The following SUPT3H variants were observed in gnomAD, a reference collection of about 807,000 sequenced individuals.
SUPT3H encodes the protein transcription initiation protein SPT3 homolog.
A neutral mutation model predicts 44.3 loss-of-function variants in SUPT3H; 44 were observed. That is an observed-to-expected ratio of 0.99 (90% CI 0.78 to 1.28). The LOEUF (loss-of-function observed/expected upper bound fraction) is 1.28. Ranked by LOEUF, SUPT3H falls within the 50% of genes most tolerant of loss-of-function variation. The pLI is 0.00. For missense variants in SUPT3H, 380 were observed against 387.1 expected (o/e 0.98, Z 0.15); for synonymous variants, 124 against 125.6 (o/e 0.99, Z 0.09).
rs529790616 is a variant in SUPT3H, at chr6:45,289,153, T to C, written c.101+76048A>G. On this transcript the variant is annotated intron_variant, in intron 2 of 10. Coordinates refer to ENST00000371459, the MANE Select transcript of SUPT3H (RefSeq NM_003599.4). Reference sequence around the variant, plus strand: ...ATATCAGCATACTATTGCACTCTTATTTGCTTAATATTTTCTTCAAGTATT... The same window carrying C: ...ATATCAGCATACTATTGCACTCTTACTTGCTTAATATTTTCTTCAAGTATT... Among the ~76,000 whole-genome samples, 5 of 152,292 alleles carry C rather than the reference T, an allele frequency of 3.3e-5. No individual in the cohort carries two copies. The South Asian group carries it at 1.0e-3, about 32-fold the overall frequency.
intron 2 of SUPT3H, among the ~76,000 whole-genome samples, chr6:45,357,375 G>C (rs907931755): frequency 6.6e-6 from 1 of 152,026 alleles, no homozygotes; most frequent in Non-Finnish European, 1.5e-5. Context: ...CTGTTACCCA[G>C]GCTGGAGAAC....
In SUPT3H at chr6:44,872,433, T is replaced by C. The variant is rs1351879384; in HGVS notation, c.913-42576A>G. 8.2e-3 allele frequency among the ~76,000 whole-genome samples: 1,160 copies of C among 141,582 alleles called. 3 individuals carry two copies. Among genetic ancestry groups the C allele is most frequent in the Non-Finnish European group, 0.013 (863 of 64,316 alleles). The allele number at this position is 141,582 out of a possible 152,430, so 92.9% of individuals were successfully genotyped here. ...AGTGAAGGAGAAATAAAATACTTTA[T>C]AGACAAGCAAATGCTGAGAGATTTT... On this transcript the variant is annotated intron_variant, in intron 10 of 10. Coordinates refer to ENST00000371459, the MANE Select transcript of SUPT3H (RefSeq NM_003599.4).
At chr6:45,113,193 A>C (rs1187688732) in intron 2 of SUPT3H, among the ~76,000 whole-genome samples, 1 of 152,038 alleles carries the variant, frequency 6.6e-6, no homozygotes, top group Non-Finnish European at 1.5e-5. Context: ...CCTAAATGGA[A>C]TTAGAGTGAA....
chr6:45,134,019 T>C (rs1273724789), intron 2 of SUPT3H, among the ~76,000 whole-genome samples: 1 of 152,206 alleles, frequency 6.6e-6, no homozygotes, highest in Non-Finnish European at 1.5e-5. Context: ...TAAAGTTTGT[T>C]CCTGTCTTTG....
chr6:44,849,402 A>G (rs2153420738), intron 10 of SUPT3H, among the ~76,000 whole-genome samples: 1 of 150,382 alleles, frequency 6.6e-6, no homozygotes, highest in East Asian at 2.0e-4. Flanking sequence ...AATTTTTTGT[A>G]TTTTTTAGTA....
chr6:44,894,630 T>C (rs2153444238), intron 10 of SUPT3H, among the ~76,000 whole-genome samples: 1 of 152,298 alleles, frequency 6.6e-6, no homozygotes, highest in African/African-American at 2.4e-5. Flanking sequence ...TGTAGCCTTG[T>C]AGTATAGTTT....
chr6:44,859,910 A>G (rs1255895217), intron 10 of SUPT3H, among the ~76,000 whole-genome samples: 1 of 151,982 alleles, frequency 6.6e-6, no homozygotes, highest in Non-Finnish European at 1.5e-5. Context: ...GCTTGATTTA[A>G]AGGACTTTAA....
rs138522059 is a variant in SUPT3H at position 44,878,874 on chromosome 6, G to A, written c.913-49017C>T. On this transcript the variant is annotated intron_variant, in intron 10 of 10. Coordinates refer to ENST00000371459, the MANE Select transcript of SUPT3H (RefSeq NM_003599.4). ...GAAGCCGTGAGGGACCATGCTGTGAGGAATGATGCATTCCAGCCCAGATAA... is the reference window on the plus strand; with the variant it reads ...GAAGCCGTGAGGGACCATGCTGTGAAGAATGATGCATTCCAGCCCAGATAA... Among the ~76,000 whole-genome samples, 38 of 152,248 alleles carry A rather than the reference G, an allele frequency of 2.5e-4. 1 individual carries two copies. In the East Asian group the frequency reaches 6.8e-3, roughly 27 times the overall value.
intron 2 of SUPT3H, among the ~76,000 whole-genome samples, chr6:45,307,440 C>G (rs1783220643): frequency 6.6e-6 from 1 of 152,236 alleles, no homozygotes; most frequent in African/African-American, 2.4e-5. Context: ...AACAATCAGA[C>G]AGCAACATTT....
chr6:45,359,794 A>T (rs567320406), intron 2 of SUPT3H, among the ~76,000 whole-genome samples: 4 of 152,322 alleles, frequency 2.6e-5, no homozygotes, highest in South Asian at 2.1e-4. Context: ...TTCTAATCCC[A>T]ACCCTTTGGG....
At chr6:45,284,161 C>T (rs1386436834) in intron 2 of SUPT3H, among the ~76,000 whole-genome samples, 5 of 152,014 alleles carry the variant, frequency 3.3e-5, no homozygotes, top group African/African-American at 1.2e-4. Flanking sequence ...AAAATTGACA[C>T]CCTAACATCA....
At chr6:44,810,023 G>A (rs527870107) in intron 11 of SUPT3H, among the ~76,000 whole-genome samples, 1 of 152,228 alleles carries the variant, frequency 6.6e-6, no homozygotes, top group African/African-American at 2.4e-5. Flanking sequence ...TGTTGGTGTA[G>A]TTTTTTCCAG....
chr6:45,198,249 C>T (rs2153623550), intron 2 of SUPT3H, among the ~76,000 whole-genome samples: 1 of 151,300 alleles, frequency 6.6e-6, no homozygotes, highest in South Asian at 2.1e-4. Flanking sequence ...ATGCAGTTTT[C>T]TGATTTGAAA....
At chr6:44,920,875 C>T (rs190686374) in intron 10 of SUPT3H, among the ~76,000 whole-genome samples, 4 of 152,228 alleles carry the variant, frequency 2.6e-5, no homozygotes, top group Non-Finnish European at 5.9e-5. Context: ...ATTCCTGCTC[C>T]TCTGTGTGCT....
At chr6:45,358,091 G>C (rs1390883736) in intron 2 of SUPT3H, among the ~76,000 whole-genome samples, 3 of 151,964 alleles carry the variant, frequency 2.0e-5, no homozygotes, top group African/African-American at 7.3e-5. Context: ...TTAAAAAAGA[G>C]AGACAGGAAA....
chr6:45,221,846 A>C (rs1188016531), intron 2 of SUPT3H, among the ~76,000 whole-genome samples: 1 of 152,184 alleles, frequency 6.6e-6, no homozygotes, highest in African/African-American at 2.4e-5. Flanking sequence ...AAGAAGAACA[A>C]ATGAAAGGAC....
intron 6 of SUPT3H, among the ~76,000 whole-genome samples, chr6:44,979,921 A>C (rs767118140): frequency 1.5e-4 from 23 of 152,280 alleles, no homozygotes; most frequent in Non-Finnish European, 2.6e-4. Context: ...ACCTTAAGAC[A>C]CTAATTATTT....
chr6:44,956,721 T>C lies in SUPT3H; in HGVS notation c.581-2114A>G, dbSNP rs511167. Reference sequence around the variant, plus strand: ...TCACCTGGCCTTGAGTCTTTTCCTCTGTGTGTCTACTCCTACTCCTTTCCT... The same window carrying C: ...TCACCTGGCCTTGAGTCTTTTCCTCCGTGTGTCTACTCCTACTCCTTTCCT... On this transcript the variant is annotated intron_variant, in intron 7 of 10. Transcript: ENST00000371459. Among the ~76,000 whole-genome samples the C allele has an allele frequency of 9.5e-3, 1,441 of 152,232 alleles. 32 individuals are homozygous for C. The highest frequency in any genetic ancestry group is 0.033 in the African/African-American group (1,372 of 41,538).
At chr6:44,837,594 C>G (rs1770152919) in intron 10 of SUPT3H, among the ~76,000 whole-genome samples, 1 of 152,172 alleles carries the variant, frequency 6.6e-6, no homozygotes, top group Admixed American at 6.5e-5. Flanking sequence ...AGCAGTTATT[C>G]TGATATTAGG....
Sources: gnomAD v4.1 joint callset for allele counts (sites outside exome capture counted in the v4.1 genomes callset) on GRCh38, gnomAD v4.1.1 for gene constraint, MANE v1.5 for transcripts, NCBI Gene and HGNC (gene_info 2026-07-23, HGNC 2026-07-21) for gene names.